The following CEP85L variants were observed in gnomAD, a reference collection of about 807,000 sequenced individuals.
CEP85L encodes centrosomal protein 85L.
CEP85L carries 60 observed loss-of-function variants against 100.3 expected under a neutral mutation model. That is an observed-to-expected ratio of 0.60 (90% CI 0.49 to 0.74). The LOEUF (loss-of-function observed/expected upper bound fraction) is 0.74. Ranked by LOEUF, CEP85L falls within the 30% of genes least tolerant of loss-of-function variation. The pLI, the probability that CEP85L is intolerant of heterozygous loss-of-function variation, is 0.00. For synonymous variants in CEP85L, 319 were observed against 322.7 expected (o/e 0.99, Z 0.12); for missense variants, 973 against 936.2 (o/e 1.04, Z -0.51).
chr6:118,532,814 T>C (rs1298440868), intron 3 of CEP85L, among the ~76,000 whole-genome samples: 1 of 152,000 alleles, frequency 6.6e-6, no homozygotes, highest in African/African-American at 2.4e-5. Context: ...GCTTGAAAAA[T>C]AATGAAGCAT....
At chr6:118,647,914 C>CA (rs1775305398) in intron 1 of CEP85L, among the ~76,000 whole-genome samples, 1 of 152,046 alleles carries the variant, frequency 6.6e-6, no homozygotes, top group Non-Finnish European at 1.5e-5. Context: ...CTTGCCAATA[C>CA]AAAAAAGAGA....
chr6:118,581,062 A>AAC (rs1780548170), intron 2 of CEP85L, among the ~76,000 whole-genome samples: 1 of 152,170 alleles, frequency 6.6e-6, no homozygotes, highest in Non-Finnish European at 1.5e-5. Flanking sequence ...TTTTAATGCT[A>AAC]ACACTGCAGC....
chr6:118,691,338 G>A (rs1220016562), intron 1 of CEP85L, among the ~76,000 whole-genome samples: 2 of 151,990 alleles, frequency 1.3e-5, no homozygotes, highest in East Asian at 3.9e-4. Context: ...TTCAAGACCA[G>A]CCTGACCAAC....
At chr6:118,568,789 G>A (rs28605789) in intron 2 of CEP85L, among the ~76,000 whole-genome samples, 24,752 of 151,994 alleles carry the variant, frequency 0.16, 2,152 homozygotes, top group Non-Finnish European at 0.19. Flanking sequence ...TGCTACTGAG[G>A]GTTGGTTCTA....
At chr6:118,553,117 C>T (rs181697562) in intron 3 of CEP85L, among the ~76,000 whole-genome samples, 1 of 151,546 alleles carries the variant, frequency 6.6e-6, no homozygotes, top group East Asian at 1.9e-4. Context: ...TAACAGAATG[C>T]TCTAAAAAGA....
At chr6:118,574,884 G>A (rs147096191) in intron 2 of CEP85L, among the ~76,000 whole-genome samples, 39 of 152,210 alleles carry the variant, frequency 2.6e-4, no homozygotes, top group East Asian at 1.9e-4. Context: ...CTTTCCTGTC[G>A]AGGGTTTATA....
chr6:118,491,239 A>ACG (rs55963304), intron 6 of CEP85L, among the ~76,000 whole-genome samples: 1 of 122,702 alleles, frequency 8.1e-6, no homozygotes, highest in Non-Finnish European at 1.7e-5. Flanking sequence ...ACACACACAC[A>ACG]TATGCATGCA....
intron 1 of CEP85L, chr6:118,646,961 A>T (rs1775241440): frequency 1.0e-6 from 1 of 985,290 alleles, no homozygotes; most frequent in South Asian, 4.7e-5. Context: ...CCAGGAAGTG[A>T]TCAAATTCCA....
chr6:118,671,372 G>T (rs1776299966), intron 1 of CEP85L, among the ~76,000 whole-genome samples: 1 of 152,008 alleles, frequency 6.6e-6, no homozygotes, highest in Non-Finnish European at 1.5e-5. Context: ...TAAGTATTAA[G>T]TATTATTTTA....
chr6:118,523,341 A>G lies in CEP85L; in HGVS notation c.1139+461T>C, dbSNP rs184379229. On this transcript the variant is annotated intron_variant, in intron 4 of 12. Coordinates refer to ENST00000368491, the MANE Select transcript of CEP85L (RefSeq NM_001042475.3). ...TTTTAGAACGTCCCCCAAAACTGCC[A>G]TAATTCTTAACTATAAGTCATTTCA... 5.2e-4 allele frequency among the ~76,000 whole-genome samples: 79 copies of G among 152,332 alleles called. 1 individual carries two copies. In the East Asian group the frequency reaches 0.011, roughly 21 times the overall value.
intron 1 of CEP85L, among the ~76,000 whole-genome samples, chr6:118,700,044 G>A (rs1583272151): frequency 6.6e-6 from 1 of 152,152 alleles, no homozygotes; most frequent in African/African-American, 2.4e-5. Context: ...TGCCAGTTAG[G>A]TGCCACTACT....
upstream of CEP85L, among the ~76,000 whole-genome samples, chr6:118,656,240 G>A (rs960362935): frequency 1.3e-5 from 2 of 152,216 alleles, no homozygotes; most frequent in African/African-American, 4.8e-5. Flanking sequence ...GGCAAAGAAT[G>A]TAAGGATATT....
chr6:118,605,777 C>T (rs1772155875), intron 2 of CEP85L, among the ~76,000 whole-genome samples: 1 of 152,108 alleles, frequency 6.6e-6, no homozygotes, highest in African/African-American at 2.4e-5. Context: ...CTTTGAGAGG[C>T]CGAGGCGGGC....
rs984359262 is a variant in CEP85L, at chr6:118,651,339, G to T, written c.-70C>A. On this transcript the variant is annotated 5_prime_UTR_variant, in exon 1 of 13. Transcript: ENST00000368491. ...CGTCCGTCCTCCTGCTTCTTCGGCG[G>T]CGGAAACTTGCGCGGAGCGTGGGCC... is the stretch of plus-strand genomic sequence containing the variant. The T allele has an allele frequency of 2.2e-6, 3 of 1,386,444 alleles. No homozygotes were observed. In the East Asian group the frequency reaches 9.3e-5, roughly 43 times the overall value. 85.9% of individuals were successfully genotyped at this position (1,386,444 alleles called of 1,614,324 possible).
chr6:118,576,587 G>A (rs960448839), intron 2 of CEP85L, among the ~76,000 whole-genome samples: 5 of 147,410 alleles, frequency 3.4e-5, no homozygotes, highest in South Asian at 2.2e-4. Context: ...CAGTTAGCTT[G>A]TACAGAAAAG....
chr6:118,563,635 G>A (rs767140), intron 3 of CEP85L, among the ~76,000 whole-genome samples: 70,101 of 151,406 alleles, frequency 0.46, 16,660 homozygotes, highest in Middle Eastern at 0.57. Context: ...TTCCTTTTTA[G>A]AGACGGGGTC....
intron 1 of CEP85L, among the ~76,000 whole-genome samples, chr6:118,696,033 G>A (rs1219891712): frequency 6.6e-6 from 1 of 152,160 alleles, no homozygotes; most frequent in Non-Finnish European, 1.5e-5. Context: ...CACTTTGGGA[G>A]GCCGAGACAG....
At chr6:118,651,096 G>T (rs968861604) in intron 1 of CEP85L, 101 bp downstream of exon 1, 2 of 1,394,670 alleles carry the variant, frequency 1.4e-6, no homozygotes, top group African/African-American at 3.0e-5. Context: ...GGCGGCCGGG[G>T]TAAGACAGGC....
intron 10 of CEP85L, among the ~76,000 whole-genome samples, chr6:118,479,380 T>C: frequency 6.6e-6 from 1 of 152,126 alleles, no homozygotes; most frequent in East Asian, 1.9e-4. Flanking sequence ...TAACAGACTT[T>C]GTGCTGTTCT....
Sources: allele counts gnomAD v4.1 joint callset (sites outside exome capture counted in the v4.1 genomes callset), GRCh38; gene constraint gnomAD v4.1.1; transcripts MANE v1.5; gene names NCBI Gene and HGNC (gene_info 2026-07-23, HGNC 2026-07-21).